COMMD1: variants seen among roughly 807,000 people sequenced by gnomAD.
COMMD1 encodes copper metabolism domain containing 1.
Under a neutral mutation model 17.2 loss-of-function variants are expected in COMMD1, and 10 were observed. That is an observed-to-expected ratio of 0.58 (90% CI 0.36 to 0.99). The LOEUF is 0.99. COMMD1 is among the 50% of genes least tolerant of loss of function. COMMD1 has a pLI of 0.01. For synonymous variants in COMMD1, 97 were observed against 91.6 expected, an observed-to-expected ratio of 1.06 and a Z score of -0.34; for missense variants, 270 against 231.8, an observed-to-expected ratio of 1.17 and a Z score of -1.07.
At chr2:61,913,584 T>C (rs1449826831) in intron 1 of COMMD1, among the ~76,000 whole-genome samples, 1 of 150,976 alleles carries the variant, frequency 6.6e-6, no homozygotes, top group Non-Finnish European at 1.5e-5. Context: ...TTGGCTCTAC[T>C]AAAAATTAGC....
intron 2 of COMMD1, among the ~76,000 whole-genome samples, chr2:62,073,868 T>G (rs921005026): frequency 6.6e-6 from 1 of 152,126 alleles, no homozygotes; most frequent in African/African-American, 2.4e-5. Flanking sequence ...TGGCTAATTT[T>G]TGTATTTTTA....
chr2:61,999,927 C>G (rs1416519409), intron 1 of COMMD1, among the ~76,000 whole-genome samples: 1 of 147,940 alleles, frequency 6.8e-6, no homozygotes, highest in East Asian at 1.9e-4. Context: ...CCTCCCCCAC[C>G]CACTTTTTTT....
At chr2:61,940,401 G>C (rs1670711756) in intron 1 of COMMD1, among the ~76,000 whole-genome samples, 2 of 152,142 alleles carry the variant, frequency 1.3e-5, no homozygotes, top group South Asian at 2.1e-4. Flanking sequence ...AAACATCTCA[G>C]ATTTCATAAT....
At chr2:62,066,548 G>A (rs751381918) in intron 2 of COMMD1, among the ~76,000 whole-genome samples, 1 of 151,254 alleles carries the variant, frequency 6.6e-6, no homozygotes, top group Non-Finnish European at 1.5e-5. Flanking sequence ...ACTACAGGTG[G>A]CTGCCACCAT....
rs535407336 is a variant in COMMD1 at position 62,092,949 on chromosome 2, G to A, written c.463-42882G>A. 6.6e-5 allele frequency among the ~76,000 whole-genome samples: 10 copies of A among 152,294 alleles called. 1 individual carries two copies. The highest frequency in any genetic ancestry group is 2.4e-4 in the African/African-American group (10 of 41,558). On this transcript the variant is annotated intron_variant, in intron 2 of 2. Coordinates refer to ENST00000311832, the MANE Select transcript of COMMD1 (RefSeq NM_152516.4). Reference sequence around the variant, plus strand: ...TAATTGAGTTTTTATTGTGCTATTTGTCCGTTCCACCAACCCAGAGGATTG... The same window carrying A: ...TAATTGAGTTTTTATTGTGCTATTTATCCGTTCCACCAACCCAGAGGATTG...
At chr2:61,987,714 A>G (rs1200989223) in intron 1 of COMMD1, among the ~76,000 whole-genome samples, 6 of 152,098 alleles carry the variant, frequency 3.9e-5, no homozygotes, top group African/African-American at 1.2e-4. Flanking sequence ...GGACTCTACA[A>G]TCAGCAGATG....
At chr2:62,008,826 G>A (rs374706474) in intron 2 of COMMD1, among the ~76,000 whole-genome samples, 1 of 152,078 alleles carries the variant, frequency 6.6e-6, no homozygotes, top group East Asian at 1.9e-4. Flanking sequence ...TGTTGCCCAG[G>A]CAGGAGTGCA....
At chr2:61,982,309 T>C (rs1207607455) in intron 1 of COMMD1, among the ~76,000 whole-genome samples, 1 of 152,222 alleles carries the variant, frequency 6.6e-6, no homozygotes, top group African/African-American at 2.4e-5. Flanking sequence ...CCTTGGCATA[T>C]AGAAATACTG....
At position 61,924,920 on chromosome 2, in the gene COMMD1, G is replaced by A. The variant is rs61489364; in HGVS notation, c.180+19062G>A. ...GTCTGGAATAGAGGAGGTAACTGCT[G>A]TATCAGGCGTCCCTGAAGCAGAGGA... is the stretch of plus-strand genomic sequence containing the variant. On this transcript the variant is annotated intron_variant, in intron 1 of 2. Coordinates refer to ENST00000311832, the MANE Select transcript of COMMD1 (RefSeq NM_152516.4). Among the ~76,000 whole-genome samples the A allele has an allele frequency of 4.4e-3, 676 of 152,312 alleles. 2 individuals carry two copies. Among genetic ancestry groups the A allele is most frequent in the African/African-American group, 0.015 (642 of 41,570 alleles).
intron 2 of COMMD1, among the ~76,000 whole-genome samples, chr2:62,053,908 A>G (rs940964889): frequency 6.6e-6 from 1 of 152,246 alleles, no homozygotes; most frequent in African/African-American, 2.4e-5. Flanking sequence ...CACAGAGTAA[A>G]GAGACAACCT....
chr2:62,035,402 T>C (rs368155408), intron 2 of COMMD1, among the ~76,000 whole-genome samples: 2 of 152,146 alleles, frequency 1.3e-5, no homozygotes, highest in African/African-American at 4.8e-5. Flanking sequence ...GTTTGTGTGT[T>C]GAGAGAGAGC....
intron 1 of COMMD1, among the ~76,000 whole-genome samples, chr2:61,928,456 C>T (rs542974441): frequency 7.2e-5 from 11 of 152,186 alleles, no homozygotes; most frequent in Admixed American, 2.6e-4. Context: ...CCACCATGCC[C>T]GGCCCAGGGA....
chr2:61,947,391 T>C (rs1387765738), intron 1 of COMMD1, among the ~76,000 whole-genome samples: 2 of 152,124 alleles, frequency 1.3e-5, no homozygotes, highest in African/African-American at 4.8e-5. Context: ...TAAAAAAATT[T>C]GTACTTTTAG....
intron 1 of COMMD1, among the ~76,000 whole-genome samples, chr2:61,909,924 T>C (rs575518385): frequency 1.3e-4 from 20 of 152,314 alleles, no homozygotes; most frequent in Non-Finnish European, 1.3e-4. Flanking sequence ...CTGACTTTCA[T>C]GTTGTGTGCC....
intron 2 of COMMD1, among the ~76,000 whole-genome samples, chr2:62,047,578 C>T (rs140500609): frequency 0.018 from 2,745 of 152,044 alleles, 58 homozygotes; most frequent in African/African-American, 0.041. Context: ...CCTCAGCCTC[C>T]TGAGTAGCTG....
intron 2 of COMMD1, among the ~76,000 whole-genome samples, chr2:62,104,582 C>A (rs572222152): frequency 7.2e-6 from 1 of 138,610 alleles, no homozygotes; most frequent in African/African-American, 2.8e-5. Flanking sequence ...AGCAGTGAGT[C>A]GAGATCGCGC....
At chr2:61,954,134 G>C (rs1400866777) in intron 1 of COMMD1, among the ~76,000 whole-genome samples, 4 of 151,968 alleles carry the variant, frequency 2.6e-5, no homozygotes, top group Non-Finnish European at 4.4e-5. Context: ...ACTTGAACCC[G>C]GGAGGCAGAG....
intron 2 of COMMD1, among the ~76,000 whole-genome samples, chr2:62,133,024 C>A: frequency 6.6e-6 from 1 of 152,136 alleles, no homozygotes; most frequent in East Asian, 1.9e-4. Flanking sequence ...AATTAGTATT[C>A]TTTCTTTGTT....
chr2:62,060,536 T>G (rs567021208), intron 2 of COMMD1, among the ~76,000 whole-genome samples: 3 of 152,340 alleles, frequency 2.0e-5, no homozygotes, highest in African/African-American at 7.2e-5. Flanking sequence ...AAACTTAGTC[T>G]TATATATTTA....
Sources: gnomAD v4.1 joint callset for allele counts (sites outside exome capture counted in the v4.1 genomes callset) on GRCh38, gnomAD v4.1.1 for gene constraint, MANE v1.5 for transcripts, NCBI Gene and HGNC (gene_info 2026-07-23, HGNC 2026-07-21) for gene names.